Variants in GPR4 observed in about 807,000 individuals in gnomAD.
GPR4 encodes G-prodeshotein coupled receptor 4.
A neutral mutation model predicts 17.8 loss-of-function variants in GPR4; 11 were observed. That is an observed-to-expected ratio of 0.62 (90% CI 0.39 to 1.02). The LOEUF (loss-of-function observed/expected upper bound fraction) is 1.02, where lower values mean the gene tolerates loss of function less well. Among genes scored for constraint, GPR4 ranks in the 50% least tolerant of loss-of-function variants. The pLI is 0.00. For synonymous variants in GPR4, 219 were observed against 222.8 expected (o/e 0.98, Z 0.15); for missense variants, 364 against 495.4 (o/e 0.73, Z 2.52).
At chr19:45,594,878 G>A (rs906995565) in intron 1 of GPR4, among the ~76,000 whole-genome samples, 2 of 152,180 alleles carry the variant, frequency 1.3e-5, no homozygotes, top group Non-Finnish European at 1.5e-5. Flanking sequence ...AGCTACTCGG[G>A]ATGCTGAGGC....
rs771369207 is a variant in GPR4 at position 45,591,399 on chromosome 19, G to C, written c.468C>G (p.Asp156Glu). The C allele has an allele frequency of 1.2e-5, 19 of 1,613,184 alleles. No homozygotes were observed. In the South Asian group the frequency reaches 1.4e-4, roughly 12 times the overall value. Residue 156 changes from aspartate to glutamate, a missense_variant, in exon 2 of 2, where the codon GAC becomes GAG. Asp to Glu is a conservative substitution (Grantham distance 45). Coordinates refer to ENST00000323040, the MANE Select transcript of GPR4 (RefSeq NM_005282.3). The surrounding 1 kb of genome is among the most constrained non-coding windows in gnomAD (Gnocchi z 7.6). ...LGANSAPLFH[D>E]ELFRDRYNHT... The stretch of plus-strand genomic sequence containing the variant: ...GGTTGTAGCGGTCTCGGAAGAGCTC[G>C]TCATGGAACAGGGGCGCCGAGTTGG...
In GPR4 at chr19:45,591,927, G is replaced by T; in HGVS notation, c.-61C>A. 6.6e-7 allele frequency: 1 copy of T among 1,511,590 alleles called. No individual in the cohort carries two copies. The highest frequency in any genetic ancestry group is 8.8e-7 in the Non-Finnish European group (1 of 1,131,984). 93.6% of individuals were successfully genotyped at this position (1,511,590 alleles called of 1,614,324 possible). A position where few individuals can be genotyped will look rare whatever the true frequency, so the allele number is the denominator to read the frequency against. Reference sequence around the variant, plus strand: ...CCCACGGGGGCTGTGGGGCCACAGGGAGCGGGAGGCCATGGGGCCCCCTGA... The same window carrying T: ...CCCACGGGGGCTGTGGGGCCACAGGTAGCGGGAGGCCATGGGGCCCCCTGA... On this transcript the variant is annotated 5_prime_UTR_variant, in exon 2 of 2. Transcript: ENST00000323040. The surrounding 1 kb of genome is among the most constrained non-coding windows in gnomAD (Gnocchi z 7.6).
rs1324288198 is a variant in GPR4, at chr19:45,590,753, CTG to C, written c.*23_*24del. 1.3e-6 allele frequency: 2 copies of C among 1,537,886 alleles called. No homozygotes were observed. Among genetic ancestry groups the C allele is most frequent in the African/African-American group, 1.4e-5 (1 of 72,582 alleles). On this transcript the variant is annotated 3_prime_UTR_variant, in exon 2 of 2. Coordinates refer to ENST00000323040, the MANE Select transcript of GPR4 (RefSeq NM_005282.3). ...GGGACTGTGGGATGAGAGGGGAAAA[CTG>C]GGGATTCTGTGCCACTCGGGGTTCA...
chr19:45,591,349 G>T lies in GPR4; in HGVS notation c.518C>A (p.Pro173His). 14 of 1,613,288 alleles carry T rather than the reference G, an allele frequency of 8.7e-6. No individual in the cohort carries two copies. The highest frequency in any genetic ancestry group is 1.2e-5 in the Non-Finnish European group (14 of 1,179,916). ...CATCCAGGCCACCCAGCCTTCCATG[G>T]GGAACTTCTCAAAGCAGAAGGTGTG... ...YNHTFCFEKF[P>H]MEGWVAWMNL... Residue 173 changes from proline to histidine, a missense_variant, in exon 2 of 2, where the codon CCC (proline) becomes CAC (histidine). Pro to His is a moderately conservative substitution (Grantham distance 77). This residue lies in a region of GPR4 where 271 missense variants were observed against 373.1 expected (regional missense o/e 0.73). Transcript: ENST00000323040. This position sits in a 1 kb window ranked among gnomAD's most constrained non-coding sequence, Gnocchi z 7.6.
chr19:45,591,785 T>C lies in GPR4; in HGVS notation c.82A>G (p.Ile28Val), dbSNP rs773569959. The C allele has an allele frequency of 6.2e-7, 1 of 1,612,710 alleles. No individual in the cohort carries two copies. The highest frequency in any genetic ancestry group is 8.5e-7 in the Non-Finnish European group (1 of 1,179,448). Reference protein sequence around the residue: ...LFPPSLYIFVIGVGLPTNCLA... With the variant: ...LFPPSLYIFVVGVGLPTNCLA... ...CAGTTGGTGGGCAGCCCCACGCCGA[T>C]GACAAAGATGTAGAGGGATGGCGGA... The change falls in exon 2 of 2, where the codon ATC becomes GTC. Residue 28 changes from isoleucine (I) to valine (V), a missense_variant. Physicochemically the swap from Ile to Val is conservative, Grantham distance 29. Transcript: ENST00000323040. The surrounding 1 kb of genome is among the most constrained non-coding windows in gnomAD (Gnocchi z 7.6).
rs575224341 is a variant in GPR4, at chr19:45,596,141, C to T, written c.-831-3444G>A. Among the ~76,000 whole-genome samples the T allele has an allele frequency of 2.6e-5, 4 of 152,194 alleles. No homozygotes were observed. The South Asian group carries it at 8.3e-4, about 32-fold the overall frequency. On this transcript the variant is annotated intron_variant, in intron 1 of 1. Transcript: ENST00000323040. ...GCATCACCATTGCTTTTCTGGGCTA[C>T]TCTGGCTTCCTTCAAATCACTTCCC...
chr19:45,601,618 A>G (rs1568419396), intron 1 of GPR4, among the ~76,000 whole-genome samples: 1 of 152,156 alleles, frequency 6.6e-6, no homozygotes, highest in Non-Finnish European at 1.5e-5. Context: ...AAACAGTGTT[A>G]TAAGAGACGG....
At chr19:45,596,203 CTTTTTTT>C (rs56044839) in intron 1 of GPR4, among the ~76,000 whole-genome samples, 2 of 132,718 alleles carry the variant, frequency 1.5e-5, no homozygotes, top group African/African-American at 2.8e-5. Flanking sequence ...TTCTTTTCTT[CTTTTTTT>C]TTTTTTTTTT....
intron 1 of GPR4, among the ~76,000 whole-genome samples, chr19:45,598,127 A>G (rs1970076626): frequency 6.6e-6 from 1 of 151,630 alleles, no homozygotes; most frequent in Admixed American, 6.6e-5. Flanking sequence ...TCCTCCTGTG[A>G]CATTTAGAGA....
Position 45,590,526 on chromosome 19 carries a change from T to G in GPR4, c.*252A>C, listed in dbSNP as rs945120371. 1.3e-5 allele frequency: 6 copies of G among 461,372 alleles called. No homozygotes were observed. The highest frequency in any genetic ancestry group is 1.2e-4 in the African/African-American group (6 of 50,582). The allele number at this position is 461,372 out of a possible 1,614,324, so 28.6% of individuals were successfully genotyped here. A position where few individuals can be genotyped will look rare whatever the true frequency, so the allele number is the denominator to read the frequency against. On this transcript the variant is annotated 3_prime_UTR_variant, in exon 2 of 2. Coordinates refer to ENST00000323040, the MANE Select transcript of GPR4 (RefSeq NM_005282.3). ...CTGCACTCCAGCCTGGGCAACACAG[T>G]GAGACCCTGTCTCCAAAAAAATATA...
In GPR4 at chr19:45,590,821, T is replaced by A; in HGVS notation, c.1046A>T (p.Gln349Leu). 6.2e-7 allele frequency: 1 copy of A among 1,604,552 alleles called. No individual in the cohort carries two copies. The change falls in exon 2 of 2, where the codon CAG becomes CTG. Residue 349 changes from glutamine (Q) to leucine (L), a missense_variant. Gln to Leu is a moderately radical substitution (Grantham distance 113). Coordinates refer to ENST00000323040, the MANE Select transcript of GPR4 (RefSeq NM_005282.3). The stretch of plus-strand genomic sequence containing the variant: ...CATCTTCAGCTGCACCTGGTCCCCC[T>A]GGGAGGGCGGAGTGGCCGCCCAGCT... ...TGSWAATPPS[Q>L]GDQVQLKMLP...
intron 1 of GPR4, among the ~76,000 whole-genome samples, chr19:45,597,736 C>A (rs983451075): frequency 1.3e-5 from 2 of 151,976 alleles, no homozygotes; most frequent in Admixed American, 6.6e-5. Context: ...CAGGCTCAAA[C>A]AAGGGCATGG....
rs1197460544 is a variant in GPR4, at chr19:45,590,267, G to A, written c.*511C>T. On this transcript the variant is annotated 3_prime_UTR_variant, in exon 2 of 2. Coordinates refer to ENST00000323040, the MANE Select transcript of GPR4 (RefSeq NM_005282.3). Reference sequence around the variant, plus strand: ...GACTTAATTTATCTGGCCAGACATGGCGGCTCACATCTCTAATCTGAGCAC... The same window carrying A: ...GACTTAATTTATCTGGCCAGACATGACGGCTCACATCTCTAATCTGAGCAC... 1 of 153,022 alleles carries A rather than the reference G, an allele frequency of 6.5e-6. No homozygotes were observed. Among genetic ancestry groups the A allele is most frequent in the African/African-American group, 2.4e-5 (1 of 41,490 alleles). The allele number at this position is 153,022 out of a possible 1,614,324, so 9.5% of individuals were successfully genotyped here.
At chr19:45,597,100 ACT>A (rs949557553) in intron 1 of GPR4, among the ~76,000 whole-genome samples, 9 of 149,900 alleles carry the variant, frequency 6.0e-5, no homozygotes, top group African/African-American at 1.7e-4. Flanking sequence ...ACAGAATCTT[ACT>A]CTGTCGCCCA....
At position 45,595,293 on chromosome 19, in the gene GPR4, AAATAAAT is replaced by A. The variant is rs1222949444; in HGVS notation, c.-831-2603_-831-2597del. The stretch of plus-strand genomic sequence containing the variant: ...TCCATCTCTAAATAAATAAATAAAT[AAATAAAT>A]AAATAAATAAATAAATAAAAAATAA... On this transcript the variant is annotated intron_variant, in intron 1 of 1. Coordinates refer to ENST00000323040, the MANE Select transcript of GPR4 (RefSeq NM_005282.3). 3.9e-5 allele frequency among the ~76,000 whole-genome samples: 5 copies of A among 129,450 alleles called. No individual in the cohort carries two copies. The East Asian group carries it at 1.1e-3, about 28-fold the overall frequency. The allele number at this position is 129,450 out of a possible 152,430, so 84.9% of individuals were successfully genotyped here.
chr19:45,594,088 AT>A (rs1970031913), intron 1 of GPR4, among the ~76,000 whole-genome samples: 3 of 129,832 alleles, frequency 2.3e-5, no homozygotes, highest in African/African-American at 9.4e-5. Context: ...ATATATATAT[AT>A]ATATAAAATA....
chr19:45,601,277 A>G (rs1434123007), intron 1 of GPR4, among the ~76,000 whole-genome samples: 3 of 152,056 alleles, frequency 2.0e-5, no homozygotes, highest in Non-Finnish European at 4.4e-5. Flanking sequence ...GTTTGGGAGG[A>G]GGGGTTGTCC....
At chr19:45,594,277 C>T (rs1412874115) in intron 1 of GPR4, among the ~76,000 whole-genome samples, 1 of 149,182 alleles carries the variant, frequency 6.7e-6, no homozygotes, top group Non-Finnish European at 1.5e-5. Context: ...CAAAAATTAG[C>T]TGGGCATGGT....
At chr19:45,598,243 C>T (rs140417311) in intron 1 of GPR4, among the ~76,000 whole-genome samples, 2 of 152,196 alleles carry the variant, frequency 1.3e-5, no homozygotes, top group African/African-American at 2.4e-5. Flanking sequence ...GCGATATCAG[C>T]TCCGTAACAT....
Sources: allele counts gnomAD v4.1 joint callset (sites outside exome capture counted in the v4.1 genomes callset), GRCh38; gene constraint gnomAD v4.1.1; regional missense constraint gnomAD v4.1.1; non-coding constraint Gnocchi (gnomAD v3.1); transcripts MANE v1.5; gene names NCBI Gene and HGNC (gene_info 2026-07-23, HGNC 2026-07-21).